The following PTPRD variants were observed in gnomAD, a reference collection of about 807,000 sequenced individuals.
The protein encoded by PTPRD is protein tyrosine phosphatase receptor type D.
Under a neutral mutation model 214.5 loss-of-function variants are expected in PTPRD, and 34 were observed. The ratio of observed to expected loss-of-function variants is 0.16; its 90% CI spans 0.12 to 0.21. The LOEUF (loss-of-function observed/expected upper bound fraction) is 0.21, where lower values mean the gene tolerates loss of function less well. Ranked by LOEUF, PTPRD falls within the 10% of genes least tolerant of loss-of-function variation. The probability of loss-of-function intolerance (pLI) is 1.00; values close to 1 mark genes in which losing one functional copy is unlikely to be tolerated. For missense variants in PTPRD, 2,545 were observed against 2,398.7 expected (o/e 1.06, Z -1.27); for synonymous variants, 1,128 against 845.7 (o/e 1.33, Z -5.79).
chr9:10,028,897 G>A (rs1299134793), intron 4 of PTPRD, among the ~76,000 whole-genome samples: 1 of 152,158 alleles, frequency 6.6e-6, no homozygotes, highest in East Asian at 1.9e-4. Flanking sequence ...TGTCTCCAGG[G>A]CATGTCAGAG....
In PTPRD at chr9:9,107,024, CTATCTT is replaced by C. The variant is rs749928557; in HGVS notation, c.-143+76274_-143+76279del. ...CACTTTCTAAAAGTATGCTCTTCAG[CTATCTT>C]TATCTTTAAGATTTTTATGTCTGAT... On this transcript the variant is annotated intron_variant, in intron 10 of 45. Coordinates refer to ENST00000381196, the MANE Select transcript of PTPRD (RefSeq NM_002839.4). Among the ~76,000 whole-genome samples the C allele has an allele frequency of 1.9e-3, 282 of 152,254 alleles. 1 individual carries two copies. The highest frequency in any genetic ancestry group is 5.5e-3 in the Admixed American group (84 of 15,274).
At chr9:9,657,081 C>T (rs145411350) in intron 7 of PTPRD, among the ~76,000 whole-genome samples, 1 of 152,134 alleles carries the variant, frequency 6.6e-6, no homozygotes, top group Non-Finnish European at 1.5e-5. Flanking sequence ...TCCCAAACAC[C>T]TAGCAGAGAG....
At chr9:10,001,454 AG>A (rs1185978171) in intron 4 of PTPRD, among the ~76,000 whole-genome samples, 1 of 152,194 alleles carries the variant, frequency 6.6e-6, no homozygotes, top group Admixed American at 6.5e-5. Context: ...ATCCACAAGT[AG>A]AAACATCATA....
intron 11 of PTPRD, among the ~76,000 whole-genome samples, chr9:8,985,643 A>T (rs10977425): frequency 0.47 from 66,833 of 143,394 alleles, 14,765 homozygotes; most frequent in East Asian, 0.63. Context: ...TGCCTTTTAC[A>T]AAAAAAAAAA....
chr9:8,754,642 T>C (rs921229666), intron 11 of PTPRD, among the ~76,000 whole-genome samples: 5 of 152,232 alleles, frequency 3.3e-5, no homozygotes, highest in Admixed American at 1.3e-4. Context: ...ATACATCTTA[T>C]AGACAATGGC....
intron 11 of PTPRD, among the ~76,000 whole-genome samples, chr9:8,815,742 A>T (rs527416176): frequency 1.3e-4 from 20 of 152,280 alleles, no homozygotes; most frequent in African/African-American, 4.8e-4. Context: ...TGTTGATACA[A>T]TTCTTTAGTT....
intron 5 of PTPRD, among the ~76,000 whole-genome samples, chr9:9,907,094 T>A (rs1051237319): frequency 6.6e-6 from 1 of 151,924 alleles, no homozygotes; most frequent in Non-Finnish European, 1.5e-5. Context: ...TTCCTAATGA[T>A]GAGAGGAGTT....
intron 9 of PTPRD, among the ~76,000 whole-genome samples, chr9:9,371,572 T>C (rs2059502175): frequency 6.6e-6 from 1 of 152,196 alleles, no homozygotes. Flanking sequence ...AGCTCCTGGA[T>C]TCATTGATTT....
At chr9:8,975,760 A>G (rs984382379) in intron 11 of PTPRD, among the ~76,000 whole-genome samples, 6 of 150,824 alleles carry the variant, frequency 4.0e-5, no homozygotes, top group Non-Finnish European at 8.9e-5. Context: ...GAAAAGATGG[A>G]AATTACAGAA....
At chr9:8,535,432 T>C (rs2076695330) in intron 14 of PTPRD, among the ~76,000 whole-genome samples, 1 of 151,978 alleles carries the variant, frequency 6.6e-6, no homozygotes, top group South Asian at 2.1e-4. Flanking sequence ...GGCTCTTTGA[T>C]TAATCAACAG....
intron 2 of PTPRD, among the ~76,000 whole-genome samples, chr9:10,493,146 T>C (rs1460061538): frequency 6.6e-6 from 1 of 152,048 alleles, no homozygotes; most frequent in Non-Finnish European, 1.5e-5. Flanking sequence ...ATAGGAATAA[T>C]CAATATCGTG....
At chr9:8,365,488 G>T (rs1406156619) in intron 39 of PTPRD, among the ~76,000 whole-genome samples, 7 of 152,090 alleles carry the variant, frequency 4.6e-5, no homozygotes, top group Admixed American at 4.6e-4. Context: ...TTTGGGGTCA[G>T]CTTAGGGGGC....
At chr9:8,415,042 G>A (rs913392336) in intron 35 of PTPRD, among the ~76,000 whole-genome samples, 1 of 151,980 alleles carries the variant, frequency 6.6e-6, no homozygotes, top group Non-Finnish European at 1.5e-5. Context: ...GGATAGGTGG[G>A]TGGGAAAAAG....
chr9:8,802,745 T>C (rs1349992612), intron 11 of PTPRD, among the ~76,000 whole-genome samples: 1 of 152,200 alleles, frequency 6.6e-6, no homozygotes, highest in African/African-American at 2.4e-5. Flanking sequence ...ATTCTTCCAA[T>C]TGCCTCATCT....
chr9:10,607,761 T>G (rs542422710), intron 2 of PTPRD, among the ~76,000 whole-genome samples: 1 of 152,126 alleles, frequency 6.6e-6, no homozygotes, highest in South Asian at 2.1e-4. Context: ...TTGGTTTTCT[T>G]TAAGAAAAGC....
At position 9,253,360 on chromosome 9, in the gene PTPRD, C is replaced by T. The variant is rs367606534; in HGVS notation, c.-202-69997G>A. On this transcript the variant is annotated intron_variant, in intron 9 of 45. Coordinates refer to ENST00000381196, the MANE Select transcript of PTPRD (RefSeq NM_002839.4). ...TTTTAAACTACTAAGTTGCTGGCGT[C>T]GAGTCTAGAAATTATTGGAAAATAA... 4.6e-5 allele frequency among the ~76,000 whole-genome samples: 7 copies of T among 151,794 alleles called. No individual in the cohort carries two copies. In the East Asian group the frequency reaches 9.7e-4, roughly 21 times the overall value.
intron 10 of PTPRD, among the ~76,000 whole-genome samples, chr9:9,091,726 C>T (rs1203753122): frequency 6.6e-6 from 1 of 152,156 alleles, no homozygotes; most frequent in African/African-American, 2.4e-5. Context: ...GGAAACTAAA[C>T]AAAACCTAAC....
chr9:10,340,018 T>C (rs1473191081), intron 3 of PTPRD, among the ~76,000 whole-genome samples: 1 of 151,802 alleles, frequency 6.6e-6, no homozygotes, highest in Non-Finnish European at 1.5e-5. Flanking sequence ...CAGGTTTCTG[T>C]TCATACTCTC....
At chr9:9,856,579 T>C (rs886089353) in intron 5 of PTPRD, among the ~76,000 whole-genome samples, 5 of 150,192 alleles carry the variant, frequency 3.3e-5, no homozygotes, top group Non-Finnish European at 7.4e-5. Flanking sequence ...ATGGGATGAG[T>C]GACAATTCCC....
Sources: gnomAD v4.1 joint callset for allele counts (sites outside exome capture counted in the v4.1 genomes callset) on GRCh38, gnomAD v4.1.1 for gene constraint, MANE v1.5 for transcripts, NCBI Gene and HGNC (gene_info 2026-07-23, HGNC 2026-07-21) for gene names.